The following ABCA10 variants were observed in gnomAD, a reference collection of about 807,000 sequenced individuals.
ABCA10 encodes the protein ATP-binding cassette sub-family A member 10.
In ABCA10, 169 loss-of-function variants were observed where a neutral mutation model predicts 187.5. That is an observed-to-expected ratio of 0.90 (90% CI 0.80 to 1.02). The LOEUF (loss-of-function observed/expected upper bound fraction) is 1.02. Among genes scored for constraint, ABCA10 ranks in the 50% least tolerant of loss-of-function variants. The probability of loss-of-function intolerance (pLI) is 0.00; values close to 1 mark genes in which losing one functional copy is unlikely to be tolerated. For missense variants in ABCA10, 1,727 were observed against 1,812.4 expected (o/e 0.95, Z 0.86); for synonymous variants, 574 against 601.8 (o/e 0.95, Z 0.68).
chr17:69,226,266 T>G (rs2074792322), intron 2 of ABCA10, among the ~76,000 whole-genome samples: 1 of 152,042 alleles, frequency 6.6e-6, no homozygotes, highest in Non-Finnish European at 1.5e-5. Flanking sequence ...GGATGGTGGA[T>G]GTATAGGTGT....
intron 27 of ABCA10, among the ~76,000 whole-genome samples, chr17:69,161,122 G>C (rs980312836): frequency 6.6e-6 from 1 of 152,062 alleles, no homozygotes; most frequent in Non-Finnish European, 1.5e-5. Flanking sequence ...TAAACCTTGA[G>C]AACATTATAC....
chr17:69,190,590 A>T, intron 17 of ABCA10, 113 bp from the exon 18 acceptor site: 1 of 992,416 alleles, frequency 1.0e-6, no homozygotes, highest in Non-Finnish European at 1.4e-6. Context: ...TTCATATTAA[A>T]GCAATCACAA....
Position 69,216,330 on chromosome 17 carries a change from A to T in ABCA10, c.559T>A (p.Phe187Ile). ...WLSWGLTYICFIFIMSIFMAL... is the reference protein window; with the variant it reads ...WLSWGLTYICIIFIMSIFMAL... ...ATAAAAATGGACATAATGAAGATGA[A>T]GCAAATGTATGTCAATCCCCAGGAG... is the stretch of plus-strand genomic sequence containing the variant. Residue 187 changes from phenylalanine to isoleucine, a missense_variant, in exon 7 of 39, where the codon TTC becomes ATC. Phe to Ile is a conservative substitution (Grantham distance 21, BLOSUM62 0). Transcript: ENST00000690296. 1 of 1,613,192 alleles carries T rather than the reference A, an allele frequency of 6.2e-7. No individual in the cohort carries two copies. Among genetic ancestry groups the T allele is most frequent in the South Asian group, 1.1e-5 (1 of 90,848 alleles).
rs1465344016 is a variant in ABCA10 at position 69,213,088 on chromosome 17, T to C, written c.1006+1616A>G. Among the ~76,000 whole-genome samples, 35 of 152,182 alleles carry C rather than the reference T, an allele frequency of 2.3e-4. 1 individual carries two copies. The highest frequency in any genetic ancestry group is 2.3e-3 in the Admixed American group (35 of 15,274). On this transcript the variant is annotated intron_variant, in intron 9 of 38. Transcript: ENST00000690296. ...CAGGGTGTTGCAAGTGGTAGAATTA[T>C]CTGTTGTTTTCTCCTTCTTTGGTGC...
At chr17:69,220,067 G>A (rs777791011) in intron 5 of ABCA10, among the ~76,000 whole-genome samples, 7 of 152,284 alleles carry the variant, frequency 4.6e-5, no homozygotes, top group African/African-American at 1.7e-4. Flanking sequence ...ATTTTGTAGC[G>A]CAGCAGAAGA....
intron 18 of ABCA10, among the ~76,000 whole-genome samples, 176 bp downstream of exon 18, chr17:69,190,182 A>C (rs577406856): frequency 6.6e-6 from 1 of 152,310 alleles, no homozygotes; most frequent in Admixed American, 6.5e-5. Flanking sequence ...CTCGATATAA[A>C]ATGATTATAA....
intron 28 of ABCA10, among the ~76,000 whole-genome samples, chr17:69,156,441 TTC>T (rs1296678678): frequency 6.6e-6 from 1 of 152,216 alleles, no homozygotes; most frequent in Non-Finnish European, 1.5e-5. Flanking sequence ...TCCAATCTAA[TTC>T]TGTTTTCTTT....
At chr17:69,217,077 C>A (rs1054375442) in intron 6 of ABCA10, among the ~76,000 whole-genome samples, 11 of 151,986 alleles carry the variant, frequency 7.2e-5, no homozygotes, top group Non-Finnish European at 1.2e-4. Flanking sequence ...AAAACCCCAT[C>A]TCTACTAAAA....
At chr17:69,164,021 C>T (rs1001937025) in intron 27 of ABCA10, 53 bp downstream of exon 27, 8 of 1,359,492 alleles carry the variant, frequency 5.9e-6, no homozygotes, top group South Asian at 3.1e-5. Flanking sequence ...TAAGATTTCA[C>T]GGGGCTATGA....
chr17:69,185,626 A>C lies in ABCA10; in HGVS notation c.2348T>G (p.Ile783Ser). The change falls in exon 20 of 39, where the codon ATT (isoleucine) becomes AGT (serine). Residue 783 changes from isoleucine to serine, a missense_variant. By Grantham distance (142) the Ile-to-Ser change is moderately radical. Coordinates refer to ENST00000690296, the MANE Select transcript of ABCA10 (RefSeq NM_001377321.1). ...ALLCLLLVLG[I>S]AFIPIILEKI... ...CTCTAGAATGATGGGGATAAAAGCA[A>C]TTCCAAGTACTAGTAACCTAAGTAA... 3 of 1,606,720 alleles carry C rather than the reference A, an allele frequency of 1.9e-6. No homozygotes were observed. The highest frequency in any genetic ancestry group is 2.6e-6 in the Non-Finnish European group (3 of 1,175,720).
chr17:69,170,804 C>A (rs1455751694), intron 25 of ABCA10, among the ~76,000 whole-genome samples: 1 of 152,028 alleles, frequency 6.6e-6, no homozygotes, highest in Non-Finnish European at 1.5e-5. Flanking sequence ...AGCCTGAAAC[C>A]CACCTTGGAC....
Position 69,174,631 on chromosome 17 carries a change from A to G in ABCA10, c.3024T>C (p.Leu1008=). ...IYYFIFLGFQ[L]SWELMFVLVV... ...CCAAAACAAACATGAGTTCCCATGAAAGCTGGAATCCCAGAAATATGAAGT... is the reference window on the plus strand; with the variant it reads ...CCAAAACAAACATGAGTTCCCATGAGAGCTGGAATCCCAGAAATATGAAGT... The change falls in exon 24 of 39, where the codon CTT becomes CTC. Residue 1008 remains leucine (L), a synonymous_variant. Transcript: ENST00000690296. The G allele has an allele frequency of 6.2e-7, 1 of 1,605,148 alleles. No individual in the cohort carries two copies.
rs773679600 is a variant in ABCA10, at chr17:69,216,340, T to C, written c.549A>G (p.Thr183=). Residue 183 remains threonine (T), a synonymous_variant, in exon 7 of 39, where the codon ACA becomes ACG. Transcript: ENST00000690296. ...ACATAATGAAGATGAAGCAAATGTA[T>C]GTCAATCCCCAGGAGAGCCTATAGT... The part of the protein sequence containing the change: ...ESAFWLSWGL[T]YICFIFIMSI... 10 of 1,612,654 alleles carry C rather than the reference T, an allele frequency of 6.2e-6. No individual in the cohort carries two copies. The highest frequency in any genetic ancestry group is 3.3e-5 in the South Asian group (3 of 90,712).
chr17:69,160,780 G>A (rs2074211904), intron 27 of ABCA10, among the ~76,000 whole-genome samples: 1 of 152,180 alleles, frequency 6.6e-6, no homozygotes, highest in Non-Finnish European at 1.5e-5. Context: ...TAAGGATGTG[G>A]AGAAATTGGA....
intron 36 of ABCA10, chr17:69,150,467 C>T (rs944795087): frequency 1.3e-5 from 2 of 155,212 alleles, no homozygotes; most frequent in African/African-American, 4.8e-5. Flanking sequence ...GAACTCTCTC[C>T]TGCTAAAAAA....
chr17:69,200,381 A>C (rs1462772110), intron 10 of ABCA10, among the ~76,000 whole-genome samples: 6 of 152,236 alleles, frequency 3.9e-5, no homozygotes, highest in African/African-American at 1.4e-4. Context: ...TTAAACCTAC[A>C]GACTACATCA....
rs373205904 is a variant in ABCA10, at chr17:69,174,277, T to G, written c.3162+4A>C. The G allele has an allele frequency of 4.3e-5, 67 of 1,570,690 alleles. No individual in the cohort carries two copies. Among genetic ancestry groups the G allele is most frequent in the Non-Finnish European group, 5.6e-5 (65 of 1,154,050 alleles). ...TAAATGTGCACGCATGTATATATAC[T>G]TACAATAAAAAAGCCAAAAGACCAA... On this transcript the variant is annotated splice_donor_region_variant and intron_variant, in intron 25 of 38. Transcript: ENST00000690296.
chr17:69,205,034 G>A (rs1028837849), intron 9 of ABCA10, among the ~76,000 whole-genome samples: 5 of 152,194 alleles, frequency 3.3e-5, no homozygotes, highest in African/African-American at 9.6e-5. Context: ...AGGCTGAGGT[G>A]GGAGGATTGC....
At chr17:69,164,273 T>C in intron 26 of ABCA10, 119 bp from the exon 27 acceptor site, 2 of 777,648 alleles carry the variant, frequency 2.6e-6, no homozygotes, top group Non-Finnish European at 3.9e-6. Context: ...ATTCCATGAA[T>C]TGAGATGAGA....
Sources: allele counts gnomAD v4.1 joint callset (sites outside exome capture counted in the v4.1 genomes callset), GRCh38; gene constraint gnomAD v4.1.1; transcripts MANE v1.5; gene names NCBI Gene and HGNC (gene_info 2026-07-23, HGNC 2026-07-21).